Variants in PDIA5 observed in about 807,000 individuals in gnomAD.
The protein encoded by PDIA5 is protein disulfide isomerase family A member 5.
PDIA5 carries 58 observed loss-of-function variants against 77.6 expected under a neutral mutation model. That is an observed-to-expected ratio of 0.75 (90% CI 0.61 to 0.93). The LOEUF (loss-of-function observed/expected upper bound fraction) is 0.93. PDIA5 is among the 40% of genes least tolerant of loss of function. PDIA5 has a pLI of 0.00. For synonymous variants in PDIA5, 250 were observed against 252.1 expected (o/e 0.99, Z 0.08); for missense variants, 630 against 647.7 (o/e 0.97, Z 0.30).
At chr3:123,146,319 C>T (rs979845896) in intron 13 of PDIA5, 60 bp downstream of exon 13, 6 of 1,422,980 alleles carry the variant, frequency 4.2e-6, no homozygotes, top group South Asian at 3.7e-5. Context: ...CTGGAGACCA[C>T]CTTGAGGAGG....
At chr3:123,097,869 G>A (rs1317841683) in intron 3 of PDIA5, among the ~76,000 whole-genome samples, 2 of 152,174 alleles carry the variant, frequency 1.3e-5, no homozygotes, top group African/African-American at 4.8e-5. Flanking sequence ...TAGAGAGGCT[G>A]GGGTAGTCGT....
At chr3:123,142,047 G>T (rs1358033305) in intron 11 of PDIA5, among the ~76,000 whole-genome samples, 1 of 152,186 alleles carries the variant, frequency 6.6e-6, no homozygotes, top group Non-Finnish European at 1.5e-5. Context: ...ATCAGTGTGG[G>T]GAAGGGGAGG....
At chr3:123,141,864 C>G (rs1363461363) in intron 11 of PDIA5, among the ~76,000 whole-genome samples, 1 of 152,198 alleles carries the variant, frequency 6.6e-6, no homozygotes, top group Non-Finnish European at 1.5e-5. Context: ...GACATCTAAG[C>G]CTGGGCCCCT....
rs1200194522 is a variant in PDIA5 at position 123,067,117 on chromosome 3, C to T, written c.-48C>T. The T allele has an allele frequency of 1.8e-5, 22 of 1,233,908 alleles. No homozygotes were observed. The highest frequency in any genetic ancestry group is 2.2e-5 in the Non-Finnish European group (22 of 985,302). 76.4% of individuals were successfully genotyped at this position (1,233,908 alleles called of 1,614,324 possible). A position where few individuals can be genotyped will look rare whatever the true frequency, so the allele number is the denominator to read the frequency against. ...GAGCTAGCAGGCGGGCGGGCGGGAGCGGGCGCCGGAGTGGAGAAAGGAGCC... is the reference window on the plus strand; with the variant it reads ...GAGCTAGCAGGCGGGCGGGCGGGAGTGGGCGCCGGAGTGGAGAAAGGAGCC... On this transcript the variant is annotated 5_prime_UTR_variant, in exon 1 of 17. Transcript: ENST00000316218.
At chr3:123,114,545 C>T (rs1207790400) in intron 7 of PDIA5, among the ~76,000 whole-genome samples, 2 of 152,230 alleles carry the variant, frequency 1.3e-5, no homozygotes, top group Non-Finnish European at 2.9e-5. Context: ...GAGATGCAGA[C>T]CTCGGTCTCA....
At chr3:123,069,957 G>A (rs908436959) in intron 1 of PDIA5, among the ~76,000 whole-genome samples, 2 of 151,994 alleles carry the variant, frequency 1.3e-5, no homozygotes, top group African/African-American at 2.4e-5. Context: ...AAGCATGGTA[G>A]CGGGCGCCTG....
At chr3:123,139,033 C>T (rs1935563463) in intron 11 of PDIA5, among the ~76,000 whole-genome samples, 1 of 152,198 alleles carries the variant, frequency 6.6e-6, no homozygotes, top group Admixed American at 6.5e-5. Context: ...GACAGGAAGC[C>T]AACATTCCCA....
In PDIA5 at chr3:123,100,674, A is replaced by C. The variant is rs147327099; in HGVS notation, c.258-1737A>C. Among the ~76,000 whole-genome samples, 3 of 152,314 alleles carry C rather than the reference A, an allele frequency of 2.0e-5. No individual in the cohort carries two copies. The East Asian group carries it at 5.8e-4, about 29-fold the overall frequency. On this transcript the variant is annotated intron_variant, in intron 3 of 16. Transcript: ENST00000316218. ...GACACTCCTCCTCTCTGACCACCAC[A>C]CACCTCTCCAGTAAGACATGCTTCT...
At chr3:123,146,722 A>G (rs1935780393) in intron 13 of PDIA5, among the ~76,000 whole-genome samples, 1 of 152,232 alleles carries the variant, frequency 6.6e-6, no homozygotes. Flanking sequence ...CAGCCTATGT[A>G]TTAGTTTGCT....
chr3:123,148,671 A>G (rs1218246607), intron 13 of PDIA5, among the ~76,000 whole-genome samples: 3 of 152,168 alleles, frequency 2.0e-5, no homozygotes, highest in Admixed American at 2.0e-4. Flanking sequence ...CCTTTGCAGA[A>G]TGCTCTCCTA....
intron 10 of PDIA5, among the ~76,000 whole-genome samples, chr3:123,125,518 C>T (rs1200425937): frequency 6.6e-6 from 1 of 152,182 alleles, no homozygotes; most frequent in East Asian, 1.9e-4. Flanking sequence ...CTCCCCTCAG[C>T]TGCCGGCACA....
intron 14 of PDIA5, among the ~76,000 whole-genome samples, chr3:123,151,033 G>A (rs1392546004): frequency 1.3e-5 from 2 of 152,220 alleles, no homozygotes; most frequent in Non-Finnish European, 2.9e-5. Context: ...GATAATAAAA[G>A]CTGCAGTCTA....
chr3:123,137,102 G>A (rs192120134), intron 11 of PDIA5, among the ~76,000 whole-genome samples: 1 of 152,328 alleles, frequency 6.6e-6, no homozygotes, highest in East Asian at 1.9e-4. Flanking sequence ...GGGTAAGTAA[G>A]CTTGAGCTTT....
At chr3:123,145,360 C>T in intron 11 of PDIA5, 162 bp from the exon 12 acceptor site, 1 of 593,068 alleles carries the variant, frequency 1.7e-6, no homozygotes, top group Non-Finnish European at 3.0e-6. Flanking sequence ...CAACCCACTT[C>T]TGGTGGATTA....
intron 6 of PDIA5, among the ~76,000 whole-genome samples, chr3:123,109,768 A>C (rs1007694197): frequency 6.6e-6 from 1 of 152,152 alleles, no homozygotes; most frequent in African/African-American, 2.4e-5. Context: ...CAGGCTTTCA[A>C]GATAATGTGT....
At chr3:123,106,029 A>G (rs892529368) in intron 5 of PDIA5, among the ~76,000 whole-genome samples, 3 of 152,226 alleles carry the variant, frequency 2.0e-5, no homozygotes, top group African/African-American at 7.2e-5. Context: ...TGTACACATA[A>G]CAAAGGCCAG....
At position 123,145,508 on chromosome 3, in the gene PDIA5, A is replaced by T; in HGVS notation, c.911-14A>T. On this transcript the variant is annotated splice_polypyrimidine_tract_variant and intron_variant, in intron 11 of 16. Coordinates refer to ENST00000316218, the MANE Select transcript of PDIA5 (RefSeq NM_006810.4). ...TGTGCCATAAGAATGGTTTCTCTTG[A>T]TCTCTCCCCACAGGGTGTGGCCACT... The T allele has an allele frequency of 6.2e-7, 1 of 1,611,792 alleles. No individual in the cohort carries two copies. Among genetic ancestry groups the T allele is most frequent in the South Asian group, 1.1e-5 (1 of 91,022 alleles).
intron 3 of PDIA5, among the ~76,000 whole-genome samples, chr3:123,100,067 C>T (rs1576442316): frequency 6.6e-6 from 1 of 152,244 alleles, no homozygotes; most frequent in East Asian, 1.9e-4. Context: ...CCTGCCCCAG[C>T]TGCTGTTTGT....
intron 10 of PDIA5, among the ~76,000 whole-genome samples, chr3:123,129,353 TGGTGGCCA>T (rs1216035311): frequency 4.6e-5 from 7 of 152,346 alleles, no homozygotes; most frequent in African/African-American, 9.6e-5. Flanking sequence ...TGGGAGGCCA[TGGTGGCCA>T]GTGGGGCCCA....
Sources: gnomAD v4.1 joint callset for allele counts (sites outside exome capture counted in the v4.1 genomes callset) on GRCh38, gnomAD v4.1.1 for gene constraint, MANE v1.5 for transcripts, NCBI Gene and HGNC (gene_info 2026-07-23, HGNC 2026-07-21) for gene names.